Variants in RCBTB2 observed in about 807,000 individuals in gnomAD.
The protein encoded by RCBTB2 is RCC1 and BTB domain-containing protein 2.
In RCBTB2, 55 loss-of-function variants were observed where a neutral mutation model predicts 65.4. That is an observed-to-expected ratio of 0.84 (90% CI 0.68 to 1.05). The LOEUF (loss-of-function observed/expected upper bound fraction) is 1.05. Among genes scored for constraint, RCBTB2 ranks in the 50% least tolerant of loss-of-function variants. RCBTB2 has a pLI of 0.00. For synonymous variants in RCBTB2, 220 were observed against 255.2 expected (o/e 0.86, Z 1.31); for missense variants, 599 against 680.1 (o/e 0.88, Z 1.33).
intron 11 of RCBTB2, among the ~76,000 whole-genome samples, chr13:48,502,226 C>T (rs921182456): frequency 3.9e-5 from 6 of 152,202 alleles, no homozygotes; most frequent in Admixed American, 3.9e-4. Context: ...CAATGGCTCA[C>T]ACCTGTGATC....
At position 48,499,131 on chromosome 13, in the gene RCBTB2, C is replaced by T. The variant is rs554468441; in HGVS notation, c.1384+490G>A. The stretch of plus-strand genomic sequence containing the variant: ...ACCCCAACACACACACACACACACA[C>T]ACACACACACACTCTCTCTCTCTCT... On this transcript the variant is annotated intron_variant, in intron 13 of 14. Coordinates refer to ENST00000344532, the MANE Select transcript of RCBTB2 (RefSeq NM_001268.4). 9.4e-5 allele frequency among the ~76,000 whole-genome samples: 14 copies of T among 148,394 alleles called. No homozygotes were observed. In the South Asian group the frequency reaches 1.9e-3, roughly 20 times the overall value.
At chr13:48,529,291 T>C (rs1223176334) in intron 1 of RCBTB2, among the ~76,000 whole-genome samples, 2 of 152,330 alleles carry the variant, frequency 1.3e-5, no homozygotes, top group Middle Eastern at 3.4e-3. Flanking sequence ...GAGATCCTAA[T>C]TGTTAAAGAT....
In RCBTB2 at chr13:48,501,774, G is replaced by T. The variant is rs1410916952; in HGVS notation, c.1212C>A (p.Tyr404Ter). The change falls in exon 12 of 15, where the codon TAC (tyrosine) becomes TAA (stop). Residue 404 changes from tyrosine to a stop codon, truncating the protein, a stop_gained. Transcript: ENST00000344532. LOFTEE classifies it high-confidence loss of function. ...ADLKFLVDGK[Y>*]IYAHKVLLKI... ...TGAGAAGGACTTTATGTGCATAAATGTACTTTCCATCAACTAGAAACTTCA... is the reference window on the plus strand; with the variant it reads ...TGAGAAGGACTTTATGTGCATAAATTTACTTTCCATCAACTAGAAACTTCA... The T allele has an allele frequency of 1.2e-6, 2 of 1,612,828 alleles. No individual in the cohort carries two copies.
intron 10 of RCBTB2, among the ~76,000 whole-genome samples, chr13:48,509,701 A>T (rs997765537): frequency 6.6e-6 from 1 of 152,268 alleles, no homozygotes; most frequent in Non-Finnish European, 1.5e-5. Flanking sequence ...TAGGTTAAAG[A>T]AAGTCAGCCA....
intron 12 of RCBTB2, among the ~76,000 whole-genome samples, chr13:48,501,053 T>C (rs1158039396): frequency 1.3e-5 from 2 of 152,126 alleles, no homozygotes; most frequent in African/African-American, 4.8e-5. Flanking sequence ...TATCATCCCA[T>C]CTAAATACAC....
intron 1 of RCBTB2, among the ~76,000 whole-genome samples, chr13:48,527,396 T>TATCATATATA (rs71076027): frequency 7.3e-6 from 1 of 137,880 alleles, no homozygotes; most frequent in African/African-American, 3.1e-5. Flanking sequence ...TATATTTATA[T>TATCATATATA]TAAAAGGTGC....
intron 3 of RCBTB2, 69 bp from the exon 4 acceptor site, chr13:48,522,031 T>G: frequency 1.5e-6 from 2 of 1,306,192 alleles, no homozygotes; most frequent in Non-Finnish European, 2.2e-6. Flanking sequence ...TTAAAATTAC[T>G]TTACTTCTAA....
intron 14 of RCBTB2, among the ~76,000 whole-genome samples, chr13:48,490,958 T>C (rs1949672679): frequency 6.6e-6 from 1 of 152,178 alleles, no homozygotes; most frequent in Non-Finnish European, 1.5e-5. Context: ...ATTAGAACTA[T>C]AACTTGAAAA....
At chr13:48,491,316 GA>G (rs1207062037) in intron 14 of RCBTB2, among the ~76,000 whole-genome samples, 5 of 152,070 alleles carry the variant, frequency 3.3e-5, no homozygotes, top group Non-Finnish European at 5.9e-5. Flanking sequence ...TTTAAGAAAA[GA>G]AAGAAACTAT....
At chr13:48,494,427 C>T (rs1357393726) in intron 14 of RCBTB2, among the ~76,000 whole-genome samples, 3 of 152,122 alleles carry the variant, frequency 2.0e-5, no homozygotes, top group Admixed American at 1.3e-4. Context: ...TGTAGTACAA[C>T]AGTGCATCTC....
chr13:48,514,105 C>T (rs976451630), intron 6 of RCBTB2, among the ~76,000 whole-genome samples: 6 of 152,182 alleles, frequency 3.9e-5, no homozygotes, highest in Non-Finnish European at 7.4e-5. Context: ...TCATTTAAAG[C>T]AAGAACCGTA....
Position 48,502,851 on chromosome 13 carries a change from G to A in RCBTB2, c.990C>T (p.His330=), listed in dbSNP as rs376033979. Residue 330 remains histidine (H), a synonymous_variant, in exon 11 of 15, where the codon CAC becomes CAT. Transcript: ENST00000344532. ...HTSAAKTQGG[H]VYMWGQCRGQ... ...CCCGGCACTGGCCCCACATGTACACGTGCCCACCCTGCGTCTTGGCCGCAG... is the reference window on the plus strand; with the variant it reads ...CCCGGCACTGGCCCCACATGTACACATGCCCACCCTGCGTCTTGGCCGCAG... 16 of 1,614,052 alleles carry A rather than the reference G, an allele frequency of 9.9e-6. No homozygotes were observed. Among genetic ancestry groups the A allele is most frequent in the African/African-American group, 9.3e-5 (7 of 74,916 alleles).
chr13:48,513,500 T>C (rs1047290682), intron 6 of RCBTB2, among the ~76,000 whole-genome samples: 2 of 152,210 alleles, frequency 1.3e-5, no homozygotes, highest in Non-Finnish European at 2.9e-5. Context: ...CAGTTTGTAC[T>C]CATTTCATCT....
At chr13:48,529,421 G>A (rs1203419564) in intron 1 of RCBTB2, among the ~76,000 whole-genome samples, 1 of 152,080 alleles carries the variant, frequency 6.6e-6, no homozygotes, top group Non-Finnish European at 1.5e-5. Flanking sequence ...CATAATACAG[G>A]ACATATTATA....
chr13:48,513,379 AAGTC>A (rs1212063782), intron 6 of RCBTB2, among the ~76,000 whole-genome samples: 1 of 152,214 alleles, frequency 6.6e-6, no homozygotes, highest in African/African-American at 2.4e-5. Context: ...ACTACTACTT[AAGTC>A]AAGAAATATA....
intron 7 of RCBTB2, 28 bp from the exon 8 acceptor site, chr13:48,512,202 A>G: frequency 6.3e-7 from 1 of 1,593,084 alleles, no homozygotes; most frequent in Non-Finnish European, 8.6e-7. Context: ...CAGTAAATGA[A>G]ACAGATTAAT....
At chr13:48,527,316 G>T (rs558432271) in intron 1 of RCBTB2, among the ~76,000 whole-genome samples, 1 of 69,030 alleles carries the variant, frequency 1.4e-5, no homozygotes, top group Non-Finnish European at 2.6e-5. Flanking sequence ...TATATGACTT[G>T]GCTCATATAT....
intron 12 of RCBTB2, among the ~76,000 whole-genome samples, chr13:48,500,184 G>C (rs547105781): frequency 1.5e-4 from 23 of 152,264 alleles, no homozygotes; most frequent in Non-Finnish European, 2.8e-4. Flanking sequence ...TACTAGGAAA[G>C]AGAGCCTTTA....
intron 1 of RCBTB2, chr13:48,531,865 C>G (rs1161267815): frequency 6.6e-6 from 1 of 152,210 alleles, no homozygotes; most frequent in East Asian, 1.9e-4. Context: ...ACAGTAGCCC[C>G]AGGAGTCACG....
Sources: gnomAD v4.1 joint callset for allele counts (sites outside exome capture counted in the v4.1 genomes callset) on GRCh38, gnomAD v4.1.1 for gene constraint, MANE v1.5 for transcripts, NCBI Gene and HGNC (gene_info 2026-07-23, HGNC 2026-07-21) for gene names.